The following RAPGEF5 variants were observed in gnomAD, a reference collection of about 807,000 sequenced individuals.
The protein encoded by RAPGEF5 is M-Ras-regulated GEF.
RAPGEF5 carries 65 observed loss-of-function variants against 125.2 expected under a neutral mutation model. The observed-to-expected ratio is 0.52, with a 90% CI of 0.43 to 0.64. The LOEUF (loss-of-function observed/expected upper bound fraction) is 0.64, where lower values mean the gene tolerates loss of function less well. Among genes scored for constraint, RAPGEF5 ranks in the 30% least tolerant of loss-of-function variants. RAPGEF5 has a pLI of 0.00. For synonymous variants in RAPGEF5, 391 were observed against 385.9 expected, an observed-to-expected ratio of 1.01 and a Z score of -0.16; for missense variants, 958 against 1,048.1, an observed-to-expected ratio of 0.91 and a Z score of 1.19.
At chr7:22,206,036 C>G (rs945180489) in intron 9 of RAPGEF5, among the ~76,000 whole-genome samples, 3 of 152,146 alleles carry the variant, frequency 2.0e-5, no homozygotes, top group Non-Finnish European at 2.9e-5. Context: ...CAATTGGTAT[C>G]CTTTATAAAA....
intron 7 of RAPGEF5, among the ~76,000 whole-genome samples, chr7:22,261,242 A>T (rs1179414718): frequency 6.6e-6 from 1 of 152,158 alleles, no homozygotes; most frequent in Non-Finnish European, 1.5e-5. Flanking sequence ...TTACAATGGA[A>T]AAAAAACTAA....
rs1204458045 is a variant in RAPGEF5, at chr7:22,125,737, A to T, written c.2482-79T>A. The T allele has an allele frequency of 5.4e-6, 7 of 1,298,736 alleles. No homozygotes were observed. The African/African-American group carries it at 1.0e-4, about 19-fold the overall frequency. 80.5% of individuals were successfully genotyped at this position (1,298,736 alleles called of 1,614,324 possible). A position where few individuals can be genotyped will look rare whatever the true frequency, so the allele number is the denominator to read the frequency against. On this transcript the variant is annotated intron_variant, in intron 24 of 25. Coordinates refer to ENST00000665637, the MANE Select transcript of RAPGEF5 (RefSeq NM_012294.5). ...GAAGAAGCAGTGCCTGCTAGGATGG[A>T]AGGATAATCTAGCACTCTTGGCTGT...
At chr7:22,283,571 T>C (rs1782724673) in intron 6 of RAPGEF5, among the ~76,000 whole-genome samples, 2 of 152,156 alleles carry the variant, frequency 1.3e-5, no homozygotes, top group Admixed American at 6.5e-5. Flanking sequence ...ATATGAAACA[T>C]TCATGGATCA....
chr7:22,209,663 T>A (rs1399766738), intron 9 of RAPGEF5, among the ~76,000 whole-genome samples: 1 of 152,188 alleles, frequency 6.6e-6, no homozygotes, highest in Admixed American at 6.5e-5. Flanking sequence ...CCCACTTTCA[T>A]GAGTCACTAA....
chr7:22,248,188 A>G (rs1786527793), intron 7 of RAPGEF5, among the ~76,000 whole-genome samples: 1 of 152,224 alleles, frequency 6.6e-6, no homozygotes, highest in Non-Finnish European at 1.5e-5. Flanking sequence ...CCTGTGCTAG[A>G]GTAGGCCCTA....
intron 9 of RAPGEF5, among the ~76,000 whole-genome samples, chr7:22,218,852 TTC>T (rs1444311535): frequency 6.6e-6 from 1 of 152,210 alleles, no homozygotes; most frequent in Admixed American, 6.5e-5. Flanking sequence ...TGCCTAATTA[TTC>T]TCTTTCTTGA....
intron 6 of RAPGEF5, among the ~76,000 whole-genome samples, chr7:22,277,613 A>C (rs769342511): frequency 8.5e-5 from 13 of 152,174 alleles, no homozygotes; most frequent in Middle Eastern, 3.2e-3. Context: ...GGTCATTGAC[A>C]GAATCCAGTT....
Position 22,289,813 on chromosome 7 carries a change from T to C in RAPGEF5, c.747+1362A>G, listed in dbSNP as rs115918481. On this transcript the variant is annotated intron_variant, in intron 6 of 25. Coordinates refer to ENST00000665637, the MANE Select transcript of RAPGEF5 (RefSeq NM_012294.5). ...ATCACGGGGGCAGTTTCCCATGCTG[T>C]TCTAATGATAGTGAGTGAGTTCTCA... Among the ~76,000 whole-genome samples the C allele has an allele frequency of 8.9e-3, 1,353 of 152,248 alleles. 15 individuals carry two copies. The highest frequency in any genetic ancestry group is 0.056 in the South Asian group (270 of 4,824).
At chr7:22,194,254 C>T (rs973372909) in intron 9 of RAPGEF5, among the ~76,000 whole-genome samples, 1 of 152,090 alleles carries the variant, frequency 6.6e-6, no homozygotes, top group Non-Finnish European at 1.5e-5. Flanking sequence ...ATTAGACAGA[C>T]ATAAATACTT....
intron 1 of RAPGEF5, among the ~76,000 whole-genome samples, chr7:22,332,152 A>C (rs1783934935): frequency 6.6e-6 from 1 of 152,228 alleles, no homozygotes; most frequent in Non-Finnish European, 1.5e-5. Flanking sequence ...ACAGATTCTG[A>C]AATTACAAAT....
chr7:22,328,475 C>T (rs912010984), intron 1 of RAPGEF5, among the ~76,000 whole-genome samples: 1 of 152,176 alleles, frequency 6.6e-6, no homozygotes, highest in African/African-American at 2.4e-5. Flanking sequence ...CCTGCCATCA[C>T]CACTGTTTAG....
At chr7:22,241,004 A>G (rs1786317993) in intron 7 of RAPGEF5, among the ~76,000 whole-genome samples, 1 of 152,162 alleles carries the variant, frequency 6.6e-6, no homozygotes, top group Non-Finnish European at 1.5e-5. Context: ...CATTGTCCAG[A>G]ATAAGAAAAT....
Position 22,118,903 on chromosome 7 carries a change from C to CT in RAPGEF5, c.*3502_*3503insA, listed in dbSNP as rs1782487253. On this transcript the variant is annotated 3_prime_UTR_variant, in exon 26 of 26. Transcript: ENST00000665637. Reference sequence around the variant, plus strand: ...AATTTTTAAAAACTTCCCCCCCGCCCCCCCACCAGTTTTAAGCAAAACTGG... The same window carrying CT: ...AATTTTTAAAAACTTCCCCCCCGCCCTCCCCACCAGTTTTAAGCAAAACTGG... 1.3e-5 allele frequency: 2 copies of CT among 148,240 alleles called. No individual in the cohort carries two copies. Among genetic ancestry groups the CT allele is most frequent in the South Asian group, 4.4e-4 (2 of 4,584 alleles). The allele number at this position is 148,240 out of a possible 1,614,324, so 9.2% of individuals were successfully genotyped here.
intron 24 of RAPGEF5, among the ~76,000 whole-genome samples, chr7:22,128,955 A>G (rs1443405372): frequency 2.0e-5 from 3 of 152,182 alleles, no homozygotes; most frequent in Non-Finnish European, 4.4e-5. Context: ...GATTGACCCT[A>G]ATAGAAGTCA....
chr7:22,211,118 T>C (rs1785498415), intron 9 of RAPGEF5, among the ~76,000 whole-genome samples: 1 of 152,244 alleles, frequency 6.6e-6, no homozygotes, highest in Non-Finnish European at 1.5e-5. Context: ...CTATTTTTGC[T>C]ATCTTAAAAC....
intron 7 of RAPGEF5, among the ~76,000 whole-genome samples, chr7:22,236,108 A>G (rs1005612185): frequency 6.6e-6 from 1 of 152,102 alleles, no homozygotes; most frequent in Admixed American, 6.5e-5. Flanking sequence ...TCTCAACCCC[A>G]ATCTGTTCAG....
chr7:22,317,876 C>A (rs1039706292), intron 2 of RAPGEF5, 111 bp downstream of exon 2: 2 of 1,439,726 alleles, frequency 1.4e-6, no homozygotes, highest in South Asian at 1.3e-5. Context: ...AGCATCCCTG[C>A]AAAACTCTAT....
intron 11 of RAPGEF5, among the ~76,000 whole-genome samples, chr7:22,185,510 G>A (rs1230732305): frequency 1.3e-5 from 2 of 151,954 alleles, no homozygotes; most frequent in Non-Finnish European, 2.9e-5. Context: ...AACAAATACC[G>A]TACATTATAT....
intron 6 of RAPGEF5, among the ~76,000 whole-genome samples, chr7:22,271,471 A>C (rs1241071192): frequency 3.3e-5 from 5 of 152,232 alleles, no homozygotes; most frequent in Non-Finnish European, 5.9e-5. Flanking sequence ...AATCCAATCA[A>C]ATAAGATTCA....
Sources: gnomAD v4.1 joint callset for allele counts (sites outside exome capture counted in the v4.1 genomes callset) on GRCh38, gnomAD v4.1.1 for gene constraint, MANE v1.5 for transcripts, NCBI Gene and HGNC (gene_info 2026-07-23, HGNC 2026-07-21) for gene names.